AGBL3: variants seen among roughly 807,000 people sequenced by gnomAD.
AGBL3 encodes the protein cytosolic carboxypeptidase 3.
Under a neutral mutation model 94.5 loss-of-function variants are expected in AGBL3, and 68 were observed. That is an observed-to-expected ratio of 0.72 (90% CI 0.59 to 0.88). The LOEUF is 0.88. Among genes scored for constraint, AGBL3 ranks in the 40% least tolerant of loss-of-function variants. AGBL3 has a pLI of 0.00. For missense variants in AGBL3, 934 were observed against 1,103.8 expected (o/e 0.85, Z 2.18); for synonymous variants, 354 against 370.7 (o/e 0.95, Z 0.52).
chr7:135,115,501 T>C lies in AGBL3; in HGVS notation c.2232T>C (p.Thr744=), dbSNP rs1433977000. The C allele has an allele frequency of 2.5e-5, 39 of 1,551,162 alleles. No homozygotes were observed. Among genetic ancestry groups the C allele is most frequent in the Non-Finnish European group, 3.2e-5 (37 of 1,146,702 alleles). Reference sequence around the variant, plus strand: ...ACAAGGATAAAGGAATAGTTCAAACTCAAGAAATATTGCAGTATTTGCTCC... The same window carrying C: ...ACAAGGATAAAGGAATAGTTCAAACCCAAGAAATATTGCAGTATTTGCTCC... The part of the protein sequence containing the change: ...RSYKDKGIVQ[T]QEILQYLLPI... Residue 744 remains threonine, a synonymous_variant, in exon 16 of 17, where the codon ACT becomes ACC. Transcript: ENST00000436302.
intron 15 of AGBL3, among the ~76,000 whole-genome samples, chr7:135,098,705 GAAAGATA>G (rs1823301724): frequency 4.6e-5 from 7 of 152,130 alleles, no homozygotes; most frequent in African/African-American, 1.7e-4. Flanking sequence ...CTACATCAAA[GAAAGATA>G]TCTCAAAGGC....
At chr7:135,065,056 C>A (rs1819164816) in intron 12 of AGBL3, among the ~76,000 whole-genome samples, 1 of 152,126 alleles carries the variant, frequency 6.6e-6, no homozygotes. Context: ...AGCCTCACAT[C>A]CTCACTATAC....
chr7:135,094,077 T>C (rs1585068810), intron 15 of AGBL3: 2 of 277,462 alleles, frequency 7.2e-6, no homozygotes, highest in Non-Finnish European at 1.4e-5. Context: ...GTGTTCCTTA[T>C]ACCATACACT....
At chr7:135,129,011 G>A in intron 16 of AGBL3, 1 of 1,603,918 alleles carries the variant, frequency 6.2e-7, no homozygotes, top group Admixed American at 1.7e-5. Flanking sequence ...ACTGTCTGAA[G>A]GACTACTTTG....
At chr7:135,120,244 AT>A (rs1235446530) in intron 16 of AGBL3, among the ~76,000 whole-genome samples, 1 of 152,356 alleles carries the variant, frequency 6.6e-6, no homozygotes, top group East Asian at 1.9e-4. Flanking sequence ...TCTAAATCAT[AT>A]TTGATGGTTG....
intron 5 of AGBL3, among the ~76,000 whole-genome samples, chr7:135,031,038 T>C (rs893090789): frequency 4.6e-5 from 7 of 152,058 alleles, no homozygotes; most frequent in Non-Finnish European, 1.5e-5. Flanking sequence ...AGATTTCTTA[T>C]CTGTTTTCTC....
Position 135,089,033 on chromosome 7 carries a change from A to G in AGBL3, c.2110+7243A>G, listed in dbSNP as rs371596414. On this transcript the variant is annotated intron_variant, in intron 15 of 16. Coordinates refer to ENST00000436302, the MANE Select transcript of AGBL3 (RefSeq NM_178563.4). The stretch of plus-strand genomic sequence containing the variant: ...ATATTTGTTTGCTTAATGGTGTCCC[A>G]TATGTCTTGCAGGTTTTCTTCACTG... Among the ~76,000 whole-genome samples the G allele has an allele frequency of 2.1e-4, 32 of 150,528 alleles. No individual in the cohort carries two copies. In the East Asian group the frequency reaches 6.0e-3, roughly 28 times the overall value.
chr7:135,064,704 T>G (rs965083814), intron 12 of AGBL3, among the ~76,000 whole-genome samples: 2 of 152,128 alleles, frequency 1.3e-5, no homozygotes, highest in African/African-American at 2.4e-5. Flanking sequence ...CATCTGGAGA[T>G]TAGAGTTTCC....
chr7:135,059,790 A>G (rs529439481), intron 12 of AGBL3, among the ~76,000 whole-genome samples: 1 of 152,338 alleles, frequency 6.6e-6, no homozygotes, highest in East Asian at 1.9e-4. Flanking sequence ...GATAGAGGCT[A>G]CCAAAGTGAA....
At chr7:135,015,073 A>G (rs1284333682) in intron 4 of AGBL3, among the ~76,000 whole-genome samples, 2 of 152,226 alleles carry the variant, frequency 1.3e-5, no homozygotes, top group Non-Finnish European at 2.9e-5. Context: ...AGGCTACTTG[A>G]CATAAAGATA....
At position 135,057,056 on chromosome 7, in the gene AGBL3, T is replaced by C. The variant is rs1372654795; in HGVS notation, c.1842-2113T>C. On this transcript the variant is annotated intron_variant, in intron 11 of 16. Coordinates refer to ENST00000436302, the MANE Select transcript of AGBL3 (RefSeq NM_178563.4). Reference sequence around the variant, plus strand: ...AGACAAATAGACCAATAAAACAAAATAGAGAACCCAGAAATATATCCAATA... The same window carrying C: ...AGACAAATAGACCAATAAAACAAAACAGAGAACCCAGAAATATATCCAATA... Among the ~76,000 whole-genome samples the C allele has an allele frequency of 2.0e-5, 3 of 151,864 alleles. 1 individual carries two copies. Among genetic ancestry groups the C allele is most frequent in the South Asian group, 4.2e-4 (2 of 4,814 alleles).
chr7:134,994,808 T>C (rs898762971), intron 4 of AGBL3, among the ~76,000 whole-genome samples: 7 of 152,338 alleles, frequency 4.6e-5, no homozygotes, highest in Middle Eastern at 3.4e-3. Flanking sequence ...TCCAAAGTTA[T>C]AGGGTTAAAA....
intron 15 of AGBL3, among the ~76,000 whole-genome samples, chr7:135,089,409 C>G: frequency 6.6e-6 from 1 of 152,092 alleles, no homozygotes; most frequent in Non-Finnish European, 1.5e-5. Flanking sequence ...TTAGTGGTGT[C>G]ATATTTCCTT....
chr7:135,068,182 GA>G (rs1334386473), intron 12 of AGBL3, among the ~76,000 whole-genome samples: 1 of 152,100 alleles, frequency 6.6e-6, no homozygotes, highest in Non-Finnish European at 1.5e-5. Context: ...GAGAAGTTTA[GA>G]GAAAAAATAA....
chr7:135,000,226 T>C (rs1811545217), intron 4 of AGBL3, among the ~76,000 whole-genome samples: 1 of 152,236 alleles, frequency 6.6e-6, no homozygotes, highest in African/African-American at 2.4e-5. Context: ...TGGTTAATTT[T>C]ATGTGTCAGC....
At chr7:135,132,388 A>C (rs1283778041) in intron 16 of AGBL3, among the ~76,000 whole-genome samples, 1 of 152,230 alleles carries the variant, frequency 6.6e-6, no homozygotes, top group East Asian at 1.9e-4. Flanking sequence ...GAAATCCTTC[A>C]TATTAGCAAG....
intron 4 of AGBL3, among the ~76,000 whole-genome samples, chr7:135,013,906 A>G (rs576698213): frequency 6.6e-6 from 1 of 152,216 alleles, no homozygotes; most frequent in South Asian, 2.1e-4. Flanking sequence ...ATAAAAACCA[A>G]AATGTTGGCC....
chr7:135,112,769 T>G (rs1382841119), intron 15 of AGBL3, among the ~76,000 whole-genome samples: 1 of 152,190 alleles, frequency 6.6e-6, no homozygotes, highest in South Asian at 2.1e-4. Context: ...AAGCATTCAC[T>G]GAATGTTTAT....
intron 5 of AGBL3, among the ~76,000 whole-genome samples, chr7:135,019,911 T>G (rs1055456324): frequency 1.3e-5 from 2 of 152,094 alleles, no homozygotes; most frequent in African/African-American, 4.8e-5. Context: ...AAAAATTAAT[T>G]TAAGATGGAT....
Sources: allele counts gnomAD v4.1 joint callset (sites outside exome capture counted in the v4.1 genomes callset), GRCh38; gene constraint gnomAD v4.1.1; transcripts MANE v1.5; gene names NCBI Gene and HGNC (gene_info 2026-07-23, HGNC 2026-07-21).